MSI2: variants seen among roughly 807,000 people sequenced by gnomAD.
MSI2 encodes the protein musashi RNA binding protein 2.
In MSI2, 17 loss-of-function variants were observed where a neutral mutation model predicts 45.6. That is an observed-to-expected ratio of 0.37 (90% confidence interval 0.26 to 0.56). MSI2 has a LOEUF of 0.56. Ranked by LOEUF, MSI2 falls within the 20% of genes least tolerant of loss-of-function variation. MSI2 has a pLI of 0.77. For missense variants in MSI2, 293 were observed against 444.2 expected (o/e 0.66, Z 3.06); for synonymous variants, 156 against 158.2 (o/e 0.99, Z 0.11).
Position 57,679,542 on chromosome 17 carries a change from C to T in MSI2, c.*32-7C>T. The T allele has an allele frequency of 1.9e-6, 2 of 1,055,580 alleles. No individual in the cohort carries two copies. The highest frequency in any genetic ancestry group is 2.3e-6 in the Non-Finnish European group (2 of 872,874). The allele number at this position is 1,055,580 out of a possible 1,614,324, so 65.4% of individuals were successfully genotyped here. A position where few individuals can be genotyped will look rare whatever the true frequency, so the allele number is the denominator to read the frequency against. On this transcript the variant is annotated splice_polypyrimidine_tract_variant and splice_region_variant and intron_variant, in intron 13 of 13. Transcript: ENST00000284073. ...TTCTGGACATCCTGGCCTTCCCTGC[C>T]CTGCAGAGCATACCTGGATGTCCAG...
At chr17:57,358,948 C>T (rs1030292774) in intron 5 of MSI2, among the ~76,000 whole-genome samples, 11 of 152,220 alleles carry the variant, frequency 7.2e-5, no homozygotes, top group South Asian at 6.2e-4. Context: ...TTATACTTTG[C>T]GATTGGTTTT....
chr17:57,535,743 T>C (rs1052698330), intron 7 of MSI2, among the ~76,000 whole-genome samples: 21 of 152,164 alleles, frequency 1.4e-4, no homozygotes, highest in African/African-American at 5.1e-4. Flanking sequence ...GGTGCAGTGG[T>C]TGGGGATCCA....
At chr17:57,446,877 T>C (rs2084910034) in intron 6 of MSI2, among the ~76,000 whole-genome samples, 2 of 152,256 alleles carry the variant, frequency 1.3e-5, no homozygotes, top group African/African-American at 4.8e-5. Flanking sequence ...ATGAACCTTT[T>C]GGGAAGAAAA....
chr17:57,531,846 C>T (rs2086828035), intron 7 of MSI2: 2 of 152,098 alleles, frequency 1.3e-5, no homozygotes, highest in Non-Finnish European at 2.9e-5. Context: ...CGGGAAAAGT[C>T]CTCTCTTATT....
chr17:57,607,294 C>T (rs777275142), intron 8 of MSI2, among the ~76,000 whole-genome samples: 4 of 152,232 alleles, frequency 2.6e-5, no homozygotes, highest in Non-Finnish European at 4.4e-5. Context: ...TAACAGGTCT[C>T]TCAATGCCTT....
intron 5 of MSI2, among the ~76,000 whole-genome samples, chr17:57,380,062 C>T (rs1452480996): frequency 6.6e-6 from 1 of 152,058 alleles, no homozygotes; most frequent in Non-Finnish European, 1.5e-5. Context: ...GAGATAGAAG[C>T]AAGTTGTCAC....
intron 7 of MSI2, among the ~76,000 whole-genome samples, chr17:57,591,606 A>G (rs773708350): frequency 2.0e-5 from 3 of 151,962 alleles, no homozygotes; most frequent in Non-Finnish European, 4.4e-5. Context: ...ACACACCTGT[A>G]GTCTCAGCTA....
intron 5 of MSI2, among the ~76,000 whole-genome samples, chr17:57,355,448 T>C (rs1013288124): frequency 2.0e-5 from 3 of 152,272 alleles, no homozygotes; most frequent in Non-Finnish European, 2.9e-5. Flanking sequence ...GACACAACAG[T>C]GTATGTCCAG....
intron 5 of MSI2, among the ~76,000 whole-genome samples, chr17:57,334,043 A>G (rs574325029): frequency 1.1e-4 from 16 of 152,256 alleles, no homozygotes; most frequent in Admixed American, 5.9e-4. Context: ...CCAGGAAAGC[A>G]TGGTTTCTGT....
chr17:57,559,276 C>G (rs2087516403), intron 7 of MSI2, among the ~76,000 whole-genome samples: 2 of 152,128 alleles, frequency 1.3e-5, no homozygotes, highest in Non-Finnish European at 2.9e-5. Flanking sequence ...AAAGTTAATG[C>G]TAAGGAAATA....
intron 8 of MSI2, among the ~76,000 whole-genome samples, chr17:57,608,061 T>G (rs1906825069): frequency 6.6e-6 from 1 of 152,140 alleles, no homozygotes; most frequent in South Asian, 2.1e-4. Context: ...CTACCTGAGT[T>G]TGCAAAGGAG....
In MSI2 at chr17:57,580,850, T is replaced by G. The variant is rs557888006; in HGVS notation, c.455-16018T>G. On this transcript the variant is annotated intron_variant, in intron 7 of 13. Transcript: ENST00000284073. ...TATCACCGCAGTCAACATTTATTGATAGCTAAAGTATTTTCAAGTCTCAGC... is the reference window on the plus strand; with the variant it reads ...TATCACCGCAGTCAACATTTATTGAGAGCTAAAGTATTTTCAAGTCTCAGC... Among the ~76,000 whole-genome samples the G allele has an allele frequency of 5.9e-5, 9 of 152,236 alleles. No homozygotes were observed. The South Asian group carries it at 6.2e-4, about 11-fold the overall frequency.
chr17:57,501,218 C>T (rs911822725), intron 6 of MSI2, among the ~76,000 whole-genome samples: 4 of 152,174 alleles, frequency 2.6e-5, no homozygotes, highest in African/African-American at 9.7e-5. Context: ...CTCAACTGCC[C>T]TGCTAGGGTC....
chr17:57,623,066 G>A (rs1015890720), intron 9 of MSI2, among the ~76,000 whole-genome samples: 1 of 152,130 alleles, frequency 6.6e-6, no homozygotes, highest in Non-Finnish European at 1.5e-5. Context: ...TAAATTGGAC[G>A]GCGCAGGTCT....
rs2084251956 is a variant in MSI2 at position 57,414,277 on chromosome 17, TGGCCTGGGCAG to T, written c.405+12807_405+12817del. The stretch of plus-strand genomic sequence containing the variant: ...ACCCTGTAGCACCAGGACTGGCCTA[TGGCCTGGGCAG>T]TAGTTGGTGCTCAGTAAACAGTGGT... On this transcript the variant is annotated intron_variant, in intron 6 of 13. Transcript: ENST00000284073. 2.0e-5 allele frequency among the ~76,000 whole-genome samples: 3 copies of T among 152,180 alleles called. No individual in the cohort carries two copies. The South Asian group carries it at 6.2e-4, about 31-fold the overall frequency.
chr17:57,422,333 G>T (rs1479457541), intron 6 of MSI2, among the ~76,000 whole-genome samples: 1 of 152,164 alleles, frequency 6.6e-6, no homozygotes, highest in African/African-American at 2.4e-5. Context: ...GATGGCAGGT[G>T]CCCGTAGTCT....
chr17:57,628,248 A>T (rs1420727700), intron 10 of MSI2: 1 of 152,278 alleles, frequency 6.6e-6, no homozygotes, highest in Non-Finnish European at 1.5e-5. Flanking sequence ...CCTTGTCGTC[A>T]TGCCTAGACC....
chr17:57,498,679 T>C (rs1193405647), intron 6 of MSI2, among the ~76,000 whole-genome samples: 1 of 152,192 alleles, frequency 6.6e-6, no homozygotes, highest in Non-Finnish European at 1.5e-5. Context: ...TTGAGGATCG[T>C]TGGGTAGAAT....
intron 6 of MSI2, among the ~76,000 whole-genome samples, chr17:57,437,552 G>A (rs1035195390): frequency 6.6e-6 from 1 of 152,170 alleles, no homozygotes; most frequent in Admixed American, 6.5e-5. Flanking sequence ...TCAGCGGGTT[G>A]CCAGGTAGAA....
Sources: allele counts gnomAD v4.1 joint callset (sites outside exome capture counted in the v4.1 genomes callset), GRCh38; gene constraint gnomAD v4.1.1; transcripts MANE v1.5; gene names NCBI Gene and HGNC (gene_info 2026-07-23, HGNC 2026-07-21).